The following ANKS1B variants were observed in gnomAD, a reference collection of about 807,000 sequenced individuals.
The protein encoded by ANKS1B is ankyrin repeat and sterile alpha motif domain-containing protein 1B.
Under a neutral mutation model 148.3 loss-of-function variants are expected in ANKS1B, and 36 were observed. The observed-to-expected ratio is 0.24, with a 90% confidence interval of 0.19 to 0.32. The LOEUF (loss-of-function observed/expected upper bound fraction) is 0.32, where lower values mean the gene tolerates loss of function less well. ANKS1B is among the 10% of genes least tolerant of loss of function. The pLI, the probability that ANKS1B is intolerant of heterozygous loss-of-function variation, is 1.00. For synonymous variants in ANKS1B, 542 were observed against 560.8 expected (o/e 0.97, Z 0.47); for missense variants, 1,157 against 1,542.6 (o/e 0.75, Z 4.19).
chr12:99,517,274 G>T (rs1173312302), intron 9 of ANKS1B, among the ~76,000 whole-genome samples: 3 of 151,944 alleles, frequency 2.0e-5, no homozygotes, highest in Admixed American at 1.3e-4. Flanking sequence ...TGTGGCTATT[G>T]TAAGTGCAAT....
intron 20 of ANKS1B, among the ~76,000 whole-genome samples, chr12:98,802,829 T>C (rs965993281): frequency 6.6e-6 from 1 of 152,034 alleles, no homozygotes; most frequent in Non-Finnish European, 1.5e-5. Context: ...GATTTACTTT[T>C]ACATTGCTTA....
At chr12:99,815,545 G>A (rs1168837398) in intron 2 of ANKS1B, among the ~76,000 whole-genome samples, 1 of 151,422 alleles carries the variant, frequency 6.6e-6, no homozygotes, top group African/African-American at 2.4e-5. Context: ...TTCCATGGAT[G>A]GGTAACACTT....
intron 12 of ANKS1B, among the ~76,000 whole-genome samples, chr12:99,330,149 T>A (rs1300540953): frequency 6.6e-6 from 1 of 151,940 alleles, no homozygotes; most frequent in Non-Finnish European, 1.5e-5. Flanking sequence ...GTAATTAAGA[T>A]CCAATCCAAG....
intron 8 of ANKS1B, among the ~76,000 whole-genome samples, chr12:99,738,791 A>C (rs761627723): frequency 6.6e-6 from 1 of 152,186 alleles, no homozygotes; most frequent in Non-Finnish European, 1.5e-5. Context: ...TCTGGAAAGT[A>C]AATAAAGAAA....
intron 12 of ANKS1B, among the ~76,000 whole-genome samples, chr12:99,364,302 T>C (rs1409390332): frequency 6.6e-6 from 1 of 152,178 alleles, no homozygotes; most frequent in Non-Finnish European, 1.5e-5. Context: ...ATGTTTATTG[T>C]ACAATCAGTG....
chr12:99,205,564 C>T (rs1184552777), intron 14 of ANKS1B, among the ~76,000 whole-genome samples: 2 of 152,184 alleles, frequency 1.3e-5, no homozygotes, highest in Admixed American at 6.5e-5. Context: ...TTTTCAGGTC[C>T]CCTGTCTTCC....
At chr12:99,869,847 T>A (rs1045394318) in intron 1 of ANKS1B, among the ~76,000 whole-genome samples, 1 of 152,096 alleles carries the variant, frequency 6.6e-6, no homozygotes, top group African/African-American at 2.4e-5. Flanking sequence ...TAATAAAATA[T>A]CTTAAAAGTT....
chr12:98,785,946 T>A (rs1414461173), intron 22 of ANKS1B, among the ~76,000 whole-genome samples: 1 of 152,190 alleles, frequency 6.6e-6, no homozygotes, highest in African/African-American at 2.4e-5. Context: ...TTCTAGTTGC[T>A]TTTCCCTATG....
At chr12:99,956,662 A>T (rs2095328905) in intron 1 of ANKS1B, among the ~76,000 whole-genome samples, 1 of 152,198 alleles carries the variant, frequency 6.6e-6, no homozygotes, top group African/African-American at 2.4e-5. Flanking sequence ...TAGCCTCTCC[A>T]GATGTTTACA....
intron 17 of ANKS1B, among the ~76,000 whole-genome samples, chr12:98,951,128 T>C (rs1567971181): frequency 1.3e-5 from 2 of 152,164 alleles, no homozygotes; most frequent in African/African-American, 4.8e-5. Flanking sequence ...TTAGAACAAT[T>C]GCTCCAACTG....
chr12:99,177,679 A>G (rs956285422), intron 14 of ANKS1B, among the ~76,000 whole-genome samples: 2 of 152,240 alleles, frequency 1.3e-5, no homozygotes, highest in African/African-American at 4.8e-5. Context: ...AGGCTGTCTC[A>G]TCAGCTGTGG....
chr12:99,354,053 C>G (rs573077085), intron 12 of ANKS1B, among the ~76,000 whole-genome samples: 2 of 152,062 alleles, frequency 1.3e-5, no homozygotes, highest in African/African-American at 4.8e-5. Flanking sequence ...CTGCTTCATG[C>G]AAGATAAAAG....
intron 10 of ANKS1B, among the ~76,000 whole-genome samples, chr12:99,499,108 G>A (rs753351017): frequency 1.2e-4 from 18 of 152,284 alleles, no homozygotes; most frequent in Admixed American, 7.8e-4. Flanking sequence ...CTGCTATGGC[G>A]CTTATTGGGG....
rs1337879248 is a variant in ANKS1B, at chr12:99,403,455, C to A, written c.1576-3644G>T. On this transcript the variant is annotated intron_variant, in intron 11 of 26. Coordinates refer to ENST00000683438, the MANE Select transcript of ANKS1B (RefSeq NM_001352186.2). The stretch of plus-strand genomic sequence containing the variant: ...TACAGGCGTGAACGACCATACCCAG[C>A]CCCCAATGCCCACTTTTTAATGGGG... Among the ~76,000 whole-genome samples the A allele has an allele frequency of 4.3e-5, 6 of 138,834 alleles. 1 individual carries two copies. The highest frequency in any genetic ancestry group is 1.7e-4 in the African/African-American group (6 of 35,352). The allele number at this position is 138,834 out of a possible 152,430, so 91.1% of individuals were successfully genotyped here.
intron 11 of ANKS1B, among the ~76,000 whole-genome samples, chr12:99,412,796 T>G (rs1387010305): frequency 6.6e-6 from 1 of 152,186 alleles, no homozygotes; most frequent in African/African-American, 2.4e-5. Context: ...CTTTGAAGAC[T>G]GTATATAAGA....
intron 8 of ANKS1B, among the ~76,000 whole-genome samples, chr12:99,718,979 C>T (rs1177946314): frequency 8.5e-5 from 13 of 152,112 alleles, no homozygotes; most frequent in African/African-American, 1.2e-4. Context: ...TGATTGTGTC[C>T]GACTAATCTC....
intron 12 of ANKS1B, chr12:99,341,192 C>T (rs2089853689): frequency 1.3e-5 from 2 of 152,100 alleles, no homozygotes; most frequent in South Asian, 4.1e-4. Context: ...TTTCAACAAA[C>T]TATTTGTGGA....
intron 9 of ANKS1B, among the ~76,000 whole-genome samples, chr12:99,542,268 T>C (rs2097133407): frequency 6.6e-6 from 1 of 152,136 alleles, no homozygotes; most frequent in African/African-American, 2.4e-5. Context: ...TATATGGTAG[T>C]AATGGGAAAT....
intron 19 of ANKS1B, among the ~76,000 whole-genome samples, chr12:98,811,320 C>A (rs771023360): frequency 3.9e-5 from 6 of 152,182 alleles, no homozygotes; most frequent in Non-Finnish European, 7.4e-5. Flanking sequence ...ACAAACATAA[C>A]CCCAGACTCC....
Sources: gnomAD v4.1 joint callset for allele counts (sites outside exome capture counted in the v4.1 genomes callset) on GRCh38, gnomAD v4.1.1 for gene constraint, MANE v1.5 for transcripts, NCBI Gene and HGNC (gene_info 2026-07-23, HGNC 2026-07-21) for gene names.